VPS13A: variants seen among roughly 807,000 people sequenced by gnomAD.
VPS13A encodes the protein vacuolar protein sorting 13 homolog A.
In VPS13A, 264 loss-of-function variants were observed where a neutral mutation model predicts 390.9. The ratio of observed to expected loss-of-function variants is 0.68; its 90% confidence interval spans 0.61 to 0.75. The LOEUF (loss-of-function observed/expected upper bound fraction) is 0.75, where lower values mean the gene tolerates loss of function less well. Ranked by LOEUF, VPS13A falls within the 30% of genes least tolerant of loss-of-function variation. VPS13A has a pLI of 0.00. For synonymous variants in VPS13A, 1,231 were observed against 1,227.1 expected (o/e 1.00, Z -0.07); for missense variants, 3,409 against 3,733.9 (o/e 0.91, Z 2.27).
intron 69 of VPS13A, among the ~76,000 whole-genome samples, chr9:77,405,014 T>C (rs1834534764): frequency 6.6e-6 from 1 of 151,854 alleles, no homozygotes; most frequent in Non-Finnish European, 1.5e-5. Flanking sequence ...CTCAATCTAA[T>C]ACAAACCTCT....
At chr9:77,236,507 A>G (rs1359905896) in intron 17 of VPS13A, among the ~76,000 whole-genome samples, 2 of 152,198 alleles carry the variant, frequency 1.3e-5, no homozygotes, top group African/African-American at 2.4e-5. Flanking sequence ...GTAGTTTTCC[A>G]TTTGTTTACC....
intron 23 of VPS13A, among the ~76,000 whole-genome samples, chr9:77,267,904 G>C (rs1716771121): frequency 6.6e-6 from 1 of 152,340 alleles, no homozygotes; most frequent in African/African-American, 2.4e-5. Flanking sequence ...GGCTACAGTG[G>C]CTTTGCTGAG....
intron 69 of VPS13A, among the ~76,000 whole-genome samples, chr9:77,404,720 G>A (rs538314840): frequency 1.3e-5 from 2 of 152,332 alleles, no homozygotes; most frequent in South Asian, 2.1e-4. Flanking sequence ...TGAATAAAAC[G>A]TGATGGTTAT....
chr9:77,358,209 G>A (rs534672668), intron 56 of VPS13A, 148 bp from the exon 57 acceptor site: 105 of 683,754 alleles, frequency 1.5e-4, no homozygotes, highest in South Asian at 1.3e-3. Flanking sequence ...ACCCGCCTCG[G>A]CCTCCCAAAG....
intron 3 of VPS13A, among the ~76,000 whole-genome samples, chr9:77,203,044 C>A (rs1347541571): frequency 6.6e-6 from 1 of 152,054 alleles, no homozygotes; most frequent in Non-Finnish European, 1.5e-5. Flanking sequence ...ATGAATGATA[C>A]AGTAGTACAA....
rs539485221 is a variant in VPS13A at position 77,413,527 on chromosome 9, T to G, written c.9475-2429T>G. ...ATTTAATAAATGGTGCTGGGAAAAC[T>G]AGCTAGCCATATGTAGAAAGCTGAA... On this transcript the variant is annotated intron_variant, in intron 71 of 71. Transcript: ENST00000360280. Among the ~76,000 whole-genome samples, 5 of 152,320 alleles carry G rather than the reference T, an allele frequency of 3.3e-5. No individual in the cohort carries two copies. The South Asian group carries it at 1.0e-3, about 32-fold the overall frequency.
At chr9:77,190,516 G>A (rs1197026714) in intron 1 of VPS13A, among the ~76,000 whole-genome samples, 1 of 152,134 alleles carries the variant, frequency 6.6e-6, no homozygotes, top group East Asian at 1.9e-4. Context: ...GTTAATCAGG[G>A]ATATAGGCCT....
intron 52 of VPS13A, among the ~76,000 whole-genome samples, chr9:77,348,682 G>A (rs546996484): frequency 6.6e-6 from 1 of 151,180 alleles, no homozygotes; most frequent in African/African-American, 2.4e-5. Context: ...CTTAATCTAT[G>A]TACCCCAGTT....
intron 68 of VPS13A, among the ~76,000 whole-genome samples, chr9:77,401,571 TTCTTTC>T (rs1834397190): frequency 6.6e-6 from 1 of 152,182 alleles, no homozygotes; most frequent in African/African-American, 2.4e-5. Context: ...TAAACGGGAT[TTCTTTC>T]TCTTCCATTT....
intron 31 of VPS13A, among the ~76,000 whole-genome samples, chr9:77,289,157 C>A (rs923228669): frequency 6.6e-6 from 1 of 152,060 alleles, no homozygotes; most frequent in African/African-American, 2.4e-5. Flanking sequence ...GTCTTGAACT[C>A]CTGTGTTTAA....
intron 50 of VPS13A, 110 bp from the exon 51 acceptor site, chr9:77,344,043 A>G (rs529849175): frequency 1.5e-5 from 16 of 1,073,914 alleles, no homozygotes; most frequent in East Asian, 2.7e-5. Context: ...AGCAGTGTTA[A>G]AACAGGTTTT....
intron 34 of VPS13A, among the ~76,000 whole-genome samples, chr9:77,303,465 T>G (rs1028096703): frequency 4.6e-5 from 7 of 152,016 alleles, no homozygotes; most frequent in Non-Finnish European, 8.8e-5. Flanking sequence ...GTATTTCTAG[T>G]CGGGTGGGAT....
intron 35 of VPS13A, among the ~76,000 whole-genome samples, chr9:77,310,956 C>T (rs559703626): frequency 6.6e-6 from 1 of 151,086 alleles, no homozygotes; most frequent in South Asian, 2.1e-4. Context: ...GACAGAGTCT[C>T]GCTATGTCAC....
rs764376151 is a variant in VPS13A at position 77,332,112 on chromosome 9, C to T, written c.6094C>T (p.Arg2032Ter). The change falls in exon 46 of 72, where the codon CGA (arginine) becomes TGA (stop). Residue 2032 changes from arginine (R) to a stop codon, truncating the protein, a stop_gained and splice_region_variant. Transcript: ENST00000360280. LOFTEE classifies it high-confidence loss of function. Reference protein sequence around the residue: ...NEFNIPLGSYRSFIFLKPEDE... With the variant: ...NEFNIPLGSY Reference sequence around the variant, plus strand: ...ATTCAACATACCATTAGGATCTTACCGGTATTTTGTCTTTATCATTTTATT... The same window carrying T: ...ATTCAACATACCATTAGGATCTTACTGGTATTTTGTCTTTATCATTTTATT... The T allele has an allele frequency of 3.1e-5, 50 of 1,604,116 alleles. No individual in the cohort carries two copies. Among genetic ancestry groups the T allele is most frequent in the African/African-American group, 4.0e-5 (3 of 74,618 alleles).
Position 77,282,278 on chromosome 9 carries a change from TG to T in VPS13A, c.3118+5del. On this transcript the variant is annotated splice_donor_5th_base_variant and intron_variant, in intron 29 of 71. Coordinates refer to ENST00000360280, the MANE Select transcript of VPS13A (RefSeq NM_033305.3). The stretch of plus-strand genomic sequence containing the variant: ...GGAGATGTCATTAAAAAATTAGGTA[TG>T]TTTTTTAAAAATTTAGCATCAACTT... The T allele has an allele frequency of 1.2e-6, 2 of 1,608,440 alleles. No homozygotes were observed. The highest frequency in any genetic ancestry group is 1.7e-6 in the Non-Finnish European group (2 of 1,178,344).
intron 29 of VPS13A, 23 bp downstream of exon 29, chr9:77,282,297 A>T: frequency 6.2e-7 from 1 of 1,600,956 alleles, no homozygotes; most frequent in African/African-American, 1.4e-5. Context: ...AAAATTTAGC[A>T]TCAACTTTTT....
chr9:77,390,489 C>T (rs1273127772), intron 68 of VPS13A, among the ~76,000 whole-genome samples: 2 of 151,926 alleles, frequency 1.3e-5, no homozygotes, highest in Non-Finnish European at 2.9e-5. Context: ...CCACTTAGAA[C>T]CTTCCAGTGT....
At chr9:77,318,941 C>G (rs537055199) in intron 41 of VPS13A, among the ~76,000 whole-genome samples, 3 of 151,972 alleles carry the variant, frequency 2.0e-5, no homozygotes, top group African/African-American at 7.2e-5. Context: ...CCTGTAATCC[C>G]AGCACGTTGG....
chr9:77,285,396 A>G (rs1441862637), intron 31 of VPS13A, among the ~76,000 whole-genome samples: 1 of 152,230 alleles, frequency 6.6e-6, no homozygotes, highest in Admixed American at 6.5e-5. Context: ...GCACCATTGG[A>G]CAAATACTGT....
Sources: gnomAD v4.1 joint callset for allele counts (sites outside exome capture counted in the v4.1 genomes callset) on GRCh38, gnomAD v4.1.1 for gene constraint, MANE v1.5 for transcripts, NCBI Gene and HGNC (gene_info 2026-07-23, HGNC 2026-07-21) for gene names.